Variants in MTA3 observed in about 807,000 individuals in gnomAD.
MTA3 encodes the protein metastasis associated 1 family member 3.
MTA3 carries 34 observed loss-of-function variants against 83.5 expected under a neutral mutation model. The ratio of observed to expected loss-of-function variants is 0.41; its 90% confidence interval spans 0.31 to 0.54. The LOEUF is 0.54. Ranked by LOEUF, MTA3 falls within the 20% of genes least tolerant of loss-of-function variation. The probability of loss-of-function intolerance (pLI) is 0.33; values close to 1 mark genes in which losing one functional copy is unlikely to be tolerated. For synonymous variants in MTA3, 303 were observed against 252.7 expected (o/e 1.20, Z -1.89); for missense variants, 761 against 726.4 (o/e 1.05, Z -0.55).
rs2289355 is a variant in MTA3, at chr2:42,754,850, C to T, written c.*1451C>T. The T allele has an allele frequency of 0.55, 542,465 of 985,214 alleles. 150,191 individuals are homozygous for T. The highest frequency in any genetic ancestry group is 0.79 in the East Asian group (6,959 of 8,800). 61.0% of individuals were successfully genotyped at this position (985,214 alleles called of 1,614,324 possible). On this transcript the variant is annotated 3_prime_UTR_variant, in exon 17 of 17. Transcript: ENST00000405094. Reference sequence around the variant, plus strand: ...GTCTGTGTCCTCGGAGGCTGAGCTCCGCTTGGCAGAGAGAGCGTGCTGTGT... The same window carrying T: ...GTCTGTGTCCTCGGAGGCTGAGCTCTGCTTGGCAGAGAGAGCGTGCTGTGT...
chr2:42,517,739 G>A (rs1675214616), intron 2 of MTA3, among the ~76,000 whole-genome samples: 1 of 151,148 alleles, frequency 6.6e-6, no homozygotes, highest in Non-Finnish European at 1.5e-5. Context: ...TTAGCCAGGT[G>A]TGGTGGCGGG....
At chr2:42,539,054 G>A (rs1399151642) in intron 2 of MTA3, among the ~76,000 whole-genome samples, 2 of 152,004 alleles carry the variant, frequency 1.3e-5, no homozygotes, top group Admixed American at 6.6e-5. Flanking sequence ...GATTACAGGC[G>A]TGAGCCACCG....
At chr2:42,569,174 A>T (rs1332845866) in intron 1 of MTA3, among the ~76,000 whole-genome samples, 1 of 123,824 alleles carries the variant, frequency 8.1e-6, no homozygotes, top group Admixed American at 8.7e-5. Context: ...CTTCTTCCCC[A>T]CTCAGTGGGA....
chr2:42,641,505 G>T (rs909804168), intron 5 of MTA3, among the ~76,000 whole-genome samples: 1 of 152,062 alleles, frequency 6.6e-6, no homozygotes, highest in Admixed American at 6.6e-5. Context: ...TTATTTCACG[G>T]AAGCAGAAAG....
upstream of MTA3, among the ~76,000 whole-genome samples, chr2:42,565,654 A>G (rs1677877883): frequency 1.3e-5 from 2 of 152,178 alleles, no homozygotes; most frequent in Non-Finnish European, 2.9e-5. Flanking sequence ...ACTGGAATAG[A>G]GAGAAGGGAC....
chr2:42,697,388 G>C, intron 10 of MTA3, among the ~76,000 whole-genome samples: 1 of 152,160 alleles, frequency 6.6e-6, no homozygotes, highest in Non-Finnish European at 1.5e-5. Flanking sequence ...AAAGCAGAGA[G>C]AGAGAGAGAG....
At chr2:42,582,188 G>C (rs560620737) in intron 3 of MTA3, among the ~76,000 whole-genome samples, 1 of 152,244 alleles carries the variant, frequency 6.6e-6, no homozygotes, top group Non-Finnish European at 1.5e-5. Context: ...CTCCCGAGAA[G>C]CTGGGACTAC....
chr2:42,571,899 A>G (rs1268016652), intron 2 of MTA3, among the ~76,000 whole-genome samples: 1 of 151,444 alleles, frequency 6.6e-6, no homozygotes, highest in Non-Finnish European at 1.5e-5. Context: ...GTGAGCCAAG[A>G]TCACGCCATT....
intron 4 of MTA3, among the ~76,000 whole-genome samples, chr2:42,617,994 A>T (rs1685111430): frequency 6.6e-6 from 1 of 151,608 alleles, no homozygotes; most frequent in Admixed American, 6.6e-5. Context: ...GCCCAGGCTG[A>T]TGGGCAATGG....
chr2:42,677,891 A>G (rs984211108), intron 8 of MTA3, among the ~76,000 whole-genome samples: 4 of 152,160 alleles, frequency 2.6e-5, no homozygotes, highest in African/African-American at 9.7e-5. Flanking sequence ...ACACACACAA[A>G]TATCTTACTG....
In MTA3 at chr2:42,627,304, C is replaced by G. The variant is rs191677557; in HGVS notation, c.318-12869C>G. ...TGTTGTCCAGGGTGGTCTCTAACTC[C>G]TGGCCTCAAGTGATCCTTCTGCCTT... is the stretch of plus-strand genomic sequence containing the variant. On this transcript the variant is annotated intron_variant, in intron 4 of 16. Coordinates refer to ENST00000405094, the MANE Select transcript of MTA3 (RefSeq NM_001330442.2). 9.4e-4 allele frequency among the ~76,000 whole-genome samples: 143 copies of G among 152,252 alleles called. 2 individuals are homozygous for G. Among genetic ancestry groups the G allele is most frequent in the African/African-American group, 3.3e-3 (138 of 41,568 alleles).
intron 4 of MTA3, among the ~76,000 whole-genome samples, chr2:42,616,192 T>C (rs1429288798): frequency 6.6e-6 from 1 of 152,112 alleles, no homozygotes; most frequent in Non-Finnish European, 1.5e-5. Context: ...CCCGAATAGC[T>C]GGGATTTACA....
intron 4 of MTA3, among the ~76,000 whole-genome samples, chr2:42,612,290 C>T (rs947357256): frequency 1.3e-5 from 2 of 152,150 alleles, no homozygotes; most frequent in Non-Finnish European, 1.5e-5. Flanking sequence ...TCATAGCTCA[C>T]TGCAGCCTTA....
intron 16 of MTA3, among the ~76,000 whole-genome samples, chr2:42,730,652 A>ATTGAC (rs149838715): frequency 0.018 from 2,753 of 152,250 alleles, 89 homozygotes; most frequent in African/African-American, 0.063. Flanking sequence ...TCATCAGGAC[A>ATTGAC]TTGACTTGTA....
intron 2 of MTA3, among the ~76,000 whole-genome samples, chr2:42,521,962 C>T (rs1481762294): frequency 6.6e-6 from 1 of 152,028 alleles, no homozygotes; most frequent in Non-Finnish European, 1.5e-5. Context: ...CCATGTTGGC[C>T]AGGGTGGTCT....
intron 2 of MTA3, among the ~76,000 whole-genome samples, chr2:42,555,203 C>A (rs1278011584): frequency 6.6e-6 from 1 of 151,808 alleles, no homozygotes; most frequent in Non-Finnish European, 1.5e-5. Context: ...GTGGCTCATG[C>A]CTGTAATCCC....
At chr2:42,680,952 A>G (rs950986932) in intron 8 of MTA3, among the ~76,000 whole-genome samples, 2 of 152,100 alleles carry the variant, frequency 1.3e-5, no homozygotes, top group Non-Finnish European at 2.9e-5. Flanking sequence ...GTGTTGGCCC[A>G]GGCTGGTCTC....
At chr2:42,637,462 A>G (rs1411715473) in intron 4 of MTA3, among the ~76,000 whole-genome samples, 1 of 152,182 alleles carries the variant, frequency 6.6e-6, no homozygotes, top group Non-Finnish European at 1.5e-5. Context: ...AAAATTTACC[A>G]TGTTTTTATC....
At chr2:42,677,724 C>T (rs530964252) in intron 8 of MTA3, among the ~76,000 whole-genome samples, 18 of 152,100 alleles carry the variant, frequency 1.2e-4, no homozygotes, top group Non-Finnish European at 2.4e-4. Context: ...GTGACTTGCT[C>T]CTCCTTGCCT....
Sources: allele counts gnomAD v4.1 joint callset (sites outside exome capture counted in the v4.1 genomes callset), GRCh38; gene constraint gnomAD v4.1.1; transcripts MANE v1.5; gene names NCBI Gene and HGNC (gene_info 2026-07-23, HGNC 2026-07-21).